Variants in RLN1 observed in about 807,000 individuals in gnomAD.
The protein encoded by RLN1 is prorelaxin H1.
Under a neutral mutation model 7.2 loss-of-function variants are expected in RLN1, and 4 were observed. The observed-to-expected ratio is 0.56, with a 90% confidence interval of 0.28 to 1.28. The LOEUF is 1.28. RLN1 is among the 50% of genes most tolerant of loss of function. RLN1 has a pLI of 0.11. For synonymous variants in RLN1, 105 were observed against 86.0 expected (o/e 1.22, Z -1.22); for missense variants, 293 against 221.1 (o/e 1.32, Z -2.06).
At chr9:5,339,166 T>C in intron 1 of RLN1, 1 of 193,110 alleles carries the variant, frequency 5.2e-6, no homozygotes, top group South Asian at 2.5e-5. Flanking sequence ...TCCTGTGGGG[T>C]GCAGGAGTGC....
At chr9:5,335,622 A>T in intron 1 of RLN1, 25 bp from the exon 2 acceptor site, 1 of 1,487,584 alleles carries the variant, frequency 6.7e-7, no homozygotes, top group Middle Eastern at 1.8e-4. Flanking sequence ...AAAAAAGTGT[A>T]TGTGAAGGCG....
chr9:5,339,971 T>G (rs73639283), upstream of RLN1: 1,425 of 585,838 alleles, frequency 2.4e-3, 16 homozygotes, highest in African/African-American at 0.023. Context: ...TCAGCTCTTG[T>G]TCTGCCTCTC....
intron 1 of RLN1, among the ~76,000 whole-genome samples, chr9:5,336,652 GT>G (rs1463460248): frequency 6.6e-6 from 1 of 152,006 alleles, no homozygotes. Context: ...CAATTTAAGA[GT>G]TTTATTTCAC....
intron 1 of RLN1, among the ~76,000 whole-genome samples, chr9:5,335,968 T>C (rs1331335354): frequency 6.6e-6 from 1 of 152,104 alleles, no homozygotes; most frequent in Non-Finnish European, 1.5e-5. Flanking sequence ...GGATTCTTCT[T>C]ACTTAACTCG....
intron 1 of RLN1, among the ~76,000 whole-genome samples, chr9:5,337,107 G>C (rs1444055816): frequency 6.6e-6 from 1 of 151,882 alleles, no homozygotes; most frequent in Admixed American, 6.6e-5. Flanking sequence ...TATCATTTTT[G>C]GTTAAATGAC....
Position 5,339,573 on chromosome 9 carries a change from G to T in RLN1, c.174C>A (p.Ser58Arg). The change falls in exon 1 of 2, where the codon AGC becomes AGA. Residue 58 changes from serine (S) to arginine (R), a missense_variant. Transcript: ENST00000223862. ...TAGGTGTCTGAGGAGCATCTTCCTG[G>T]CTCAGAGACCTTTTGCTCCAGGTGC... is the stretch of plus-strand genomic sequence containing the variant. The part of the protein sequence containing the change: ...GMSTWSKRSL[S>R]QEDAPQTPRP... The T allele has an allele frequency of 7.5e-6, 12 of 1,605,590 alleles. No homozygotes were observed. Among genetic ancestry groups the T allele is most frequent in the Non-Finnish European group, 9.3e-6 (11 of 1,178,252 alleles).
chr9:5,340,878 A>G (rs1816977712), upstream of RLN1, among the ~76,000 whole-genome samples: 1 of 152,246 alleles, frequency 6.6e-6, no homozygotes, highest in Non-Finnish European at 1.5e-5. Context: ...AACTGGAGAC[A>G]TGCAGGACGT....
rs1252255242 is a variant in RLN1 at position 5,339,560 on chromosome 9, G to C, written c.187C>G (p.Pro63Ala). The C allele has an allele frequency of 1.9e-6, 3 of 1,601,056 alleles. No individual in the cohort carries two copies. The highest frequency in any genetic ancestry group is 2.6e-6 in the Non-Finnish European group (3 of 1,176,374). Residue 63 changes from proline to alanine, a missense_variant, in exon 1 of 2, where the codon CCT becomes GCT. Physicochemically the swap from Pro to Ala is conservative, Grantham distance 27. Transcript: ENST00000223862. ...CCTGCCACTGGTCTAGGTGTCTGAGGAGCATCTTCCTGGCTCAGAGACCTT... is the reference window on the plus strand; with the variant it reads ...CCTGCCACTGGTCTAGGTGTCTGAGCAGCATCTTCCTGGCTCAGAGACCTT... Reference protein sequence around the residue: ...SKRSLSQEDAPQTPRPVAEIV... With the variant: ...SKRSLSQEDAAQTPRPVAEIV...
rs1311372760 is a variant in RLN1 at position 5,335,518 on chromosome 9, C to G, written c.291G>C (p.Glu97Asp). 18 of 1,613,096 alleles carry G rather than the reference C, an allele frequency of 1.1e-5. No individual in the cohort carries two copies. Among genetic ancestry groups the G allele is most frequent in the Admixed American group, 1.7e-5 (1 of 59,970 alleles). Residue 97 changes from glutamate to aspartate, a missense_variant, in exon 2 of 2, where the codon GAG (glutamate) becomes GAC (aspartate). Physicochemically the swap from Glu to Asp is conservative, Grantham distance 45. Transcript: ENST00000223862. ...MLEFIANLPP[E>D]LKAALSERQP... The stretch of plus-strand genomic sequence containing the variant: ...GCCTCTCAGATAGGGCTGCCTTCAG[C>G]TCCGGTGGCAAATTAGCAATGAATT...
At position 5,335,303 on chromosome 9, in the gene RLN1, T is replaced by C; in HGVS notation, c.506A>G (p.Glu169Gly). 6.2e-7 allele frequency: 1 copy of C among 1,603,966 alleles called. No homozygotes were observed. Among genetic ancestry groups the C allele is most frequent in the Non-Finnish European group, 8.5e-7 (1 of 1,177,484 alleles). ...GGTACAACCAATTAGGCAACATTTCTCAAACAGTGCCACGTAGGGTCGTCT... is the reference window on the plus strand; with the variant it reads ...GGTACAACCAATTAGGCAACATTTCCCAAACAGTGCCACGTAGGGTCGTCT... ...KKRRPYVALF[E>G]KCCLIGCTKR... The change falls in exon 2 of 2, where the codon GAG becomes GGG. Residue 169 changes from glutamate (E) to glycine (G), a missense_variant. Coordinates refer to ENST00000223862, the MANE Select transcript of RLN1 (RefSeq NM_006911.4).
In RLN1 at chr9:5,335,151, C is replaced by T; in HGVS notation, c.*100G>A. The stretch of plus-strand genomic sequence containing the variant: ...AAAATCTAAACATTAATAAAGATTT[C>T]TTATATTCTAATAATTAGTGGGACC... On this transcript the variant is annotated 3_prime_UTR_variant, in exon 2 of 2. Coordinates refer to ENST00000223862, the MANE Select transcript of RLN1 (RefSeq NM_006911.4). 1.5e-6 allele frequency: 1 copy of T among 648,152 alleles called. No individual in the cohort carries two copies. The highest frequency in any genetic ancestry group is 2.5e-6 in the Non-Finnish European group (1 of 395,210). 40.2% of individuals were successfully genotyped at this position (648,152 alleles called of 1,614,324 possible). A position where few individuals can be genotyped will look rare whatever the true frequency, so the allele number is the denominator to read the frequency against.
In RLN1 at chr9:5,337,530, C is replaced by T. The variant is rs1429279261; in HGVS notation, c.212-1933G>A. Among the ~76,000 whole-genome samples, 5 of 151,882 alleles carry T rather than the reference C, an allele frequency of 3.3e-5. No homozygotes were observed. The East Asian group carries it at 9.6e-4, about 29-fold the overall frequency. On this transcript the variant is annotated intron_variant, in intron 1 of 1. Coordinates refer to ENST00000223862, the MANE Select transcript of RLN1 (RefSeq NM_006911.4). Reference sequence around the variant, plus strand: ...GCGGATCTTATTTTTAAAAGGGATGCAGTGAATATTACTTTGGCACACATT... The same window carrying T: ...GCGGATCTTATTTTTAAAAGGGATGTAGTGAATATTACTTTGGCACACATT...
chr9:5,336,892 C>A (rs1480800567), intron 1 of RLN1, among the ~76,000 whole-genome samples: 3 of 151,968 alleles, frequency 2.0e-5, no homozygotes, highest in Admixed American at 2.0e-4. Flanking sequence ...AGCGGTAGTT[C>A]TGGGGCTGAT....
At chr9:5,339,506 G>A (rs1336638586) in intron 1 of RLN1, 30 bp downstream of exon 1, 3 of 1,477,298 alleles carry the variant, frequency 2.0e-6, no homozygotes, top group South Asian at 1.2e-5. Context: ...GGGAAGCGCG[G>A]GAAGGCCGGG....
intron 1 of RLN1, among the ~76,000 whole-genome samples, chr9:5,336,461 G>A (rs993499236): frequency 3.3e-5 from 5 of 151,966 alleles, no homozygotes; most frequent in African/African-American, 1.2e-4. Flanking sequence ...GGAACCTGCT[G>A]GACACCCAGC....
intron 1 of RLN1, among the ~76,000 whole-genome samples, chr9:5,337,695 C>T (rs1157349291): frequency 6.6e-6 from 1 of 151,962 alleles, no homozygotes; most frequent in African/African-American, 2.4e-5. Context: ...TAACGGTAAA[C>T]ATTTATCTTA....
chr9:5,335,868 T>C lies in RLN1; in HGVS notation c.212-271A>G, dbSNP rs573908916. On this transcript the variant is annotated intron_variant, in intron 1 of 1. Transcript: ENST00000223862. ...CCCCTCAGTGCTTTTATCATAGTAC[T>C]TTTGACTCTCCCTGACATTACTCTG... Among the ~76,000 whole-genome samples the C allele has an allele frequency of 6.1e-4, 92 of 152,032 alleles. 1 individual carries two copies. The highest frequency in any genetic ancestry group is 1.3e-3 in the Admixed American group (20 of 15,260).
intron 1 of RLN1, among the ~76,000 whole-genome samples, chr9:5,336,056 C>T (rs764880151): frequency 6.6e-6 from 1 of 151,976 alleles, no homozygotes; most frequent in Non-Finnish European, 1.5e-5. Context: ...TTATTTTAAG[C>T]TACTCAATGT....
At chr9:5,336,337 T>A (rs1816893184) in intron 1 of RLN1, among the ~76,000 whole-genome samples, 1 of 152,062 alleles carries the variant, frequency 6.6e-6, no homozygotes, top group Non-Finnish European at 1.5e-5. Context: ...CTGTCTGATG[T>A]TTGTTCCAAG....
Sources: gnomAD v4.1 joint callset for allele counts (sites outside exome capture counted in the v4.1 genomes callset) on GRCh38, gnomAD v4.1.1 for gene constraint, MANE v1.5 for transcripts, NCBI Gene and HGNC (gene_info 2026-07-23, HGNC 2026-07-21) for gene names.